The following PCDH15 variants were observed in gnomAD, a reference collection of about 807,000 sequenced individuals.
PCDH15 encodes the protein protocadherin related 15, also known as protocadherin-15.
PCDH15 carries 129 observed loss-of-function variants against 178.5 expected under a neutral mutation model. The observed-to-expected ratio is 0.72, with a 90% CI of 0.63 to 0.84. The LOEUF is 0.84. PCDH15 is among the 40% of genes least tolerant of loss of function. The pLI, the probability that PCDH15 is intolerant of heterozygous loss-of-function variation, is 0.00. For missense variants in PCDH15, 2,230 were observed against 2,099.9 expected (o/e 1.06, Z -1.21); for synonymous variants, 800 against 732.0 (o/e 1.09, Z -1.50).
At chr10:54,169,181 GCTGA>G (rs1166730214) in intron 13 of PCDH15, among the ~76,000 whole-genome samples, 2 of 142,190 alleles carry the variant, frequency 1.4e-5, no homozygotes, top group African/African-American at 2.7e-5. Context: ...CTGGCCCAAG[GCTGA>G]CTGACTCCTT....
intron 2 of PCDH15, among the ~76,000 whole-genome samples, chr10:54,564,187 ATTATT>A (rs1227827279): frequency 3.3e-5 from 5 of 152,112 alleles, no homozygotes; most frequent in African/African-American, 1.2e-4. Context: ...AGCTTGATAA[ATTATT>A]TTGTCTATCC....
intron 9 of PCDH15, among the ~76,000 whole-genome samples, chr10:54,233,527 G>A (rs1423731749): frequency 6.6e-6 from 1 of 152,058 alleles, no homozygotes; most frequent in African/African-American, 2.4e-5. Context: ...TCAATTTAAC[G>A]ATATTGGTTT....
At chr10:54,165,544 A>T (rs2046136264) in intron 13 of PCDH15, among the ~76,000 whole-genome samples, 3 of 152,138 alleles carry the variant, frequency 2.0e-5, no homozygotes, top group African/African-American at 7.2e-5. Flanking sequence ...ATTGGTTCTA[A>T]TTACTCAAAC....
chr10:54,732,568 A>C (rs1566070832), intron 1 of PCDH15, among the ~76,000 whole-genome samples: 1 of 151,520 alleles, frequency 6.6e-6, no homozygotes, highest in African/African-American at 2.4e-5. Flanking sequence ...AACAAAGAAA[A>C]ATTTTGTCTG....
At chr10:53,975,302 A>C (rs1157742493) in intron 21 of PCDH15, among the ~76,000 whole-genome samples, 1 of 152,158 alleles carries the variant, frequency 6.6e-6, no homozygotes, top group African/African-American at 2.4e-5. Context: ...TATACCCAGT[A>C]ATGGAATTGC....
At chr10:54,490,150 A>G (rs1198636140) in intron 3 of PCDH15, among the ~76,000 whole-genome samples, 5 of 141,136 alleles carry the variant, frequency 3.5e-5, no homozygotes, top group African/African-American at 9.9e-5. Context: ...TCATACAGGA[A>G]CTTTAAAAGT....
At chr10:54,871,227 T>C (rs765397410) in intron 3 of PCDH15, among the ~76,000 whole-genome samples, 4 of 152,078 alleles carry the variant, frequency 2.6e-5, no homozygotes, top group Admixed American at 6.6e-5. Context: ...ATGACCAAGG[T>C]CTCTGCCTGA....
At chr10:55,415,597 A>G (rs1838460579) in intron 2 of PCDH15, among the ~76,000 whole-genome samples, 1 of 151,752 alleles carries the variant, frequency 6.6e-6, no homozygotes, top group Admixed American at 6.6e-5. Context: ...TAGCTATAGT[A>G]AATCACTAAT....
chr10:54,928,245 G>C (rs1837680620), intron 2 of PCDH15, among the ~76,000 whole-genome samples: 2 of 152,110 alleles, frequency 1.3e-5, no homozygotes, highest in Admixed American at 6.6e-5. Context: ...TTTTCATTTA[G>C]AATGTTGAAT....
chr10:55,200,703 C>A (rs1336798616), intron 1 of PCDH15, among the ~76,000 whole-genome samples: 1 of 152,014 alleles, frequency 6.6e-6, no homozygotes. Context: ...AAGGAAAGAC[C>A]TGGTGGGAGT....
chr10:54,016,781 C>T (rs2245654), intron 20 of PCDH15, among the ~76,000 whole-genome samples: 7,365 of 152,188 alleles, frequency 0.048, 583 homozygotes, highest in African/African-American at 0.17. Context: ...CTATAAGGTA[C>T]TATGTTCATT....
chr10:55,020,234 C>G (rs1333449250), intron 2 of PCDH15, among the ~76,000 whole-genome samples: 1 of 151,204 alleles, frequency 6.6e-6, no homozygotes, highest in African/African-American at 2.4e-5. Context: ...TGCAAATACT[C>G]CATGCAAATA....
At chr10:54,249,961 C>A (rs2056326055) in intron 8 of PCDH15, among the ~76,000 whole-genome samples, 1 of 151,844 alleles carries the variant, frequency 6.6e-6, no homozygotes, top group Non-Finnish European at 1.5e-5. Context: ...GCTCAGTTAC[C>A]CAGGCTTGAG....
intron 9 of PCDH15, among the ~76,000 whole-genome samples, chr10:54,231,749 G>C (rs374630571): frequency 6.6e-6 from 1 of 152,296 alleles, no homozygotes; most frequent in Non-Finnish European, 1.5e-5. Context: ...GAGACATGAA[G>C]TCAAAGGAGA....
At chr10:54,814,229 A>G (rs1457963270) in intron 3 of PCDH15, among the ~76,000 whole-genome samples, 1 of 152,226 alleles carries the variant, frequency 6.6e-6, no homozygotes, top group African/African-American at 2.4e-5. Context: ...CATACAGTTA[A>G]TGACATCAGA....
At position 54,451,974 on chromosome 10, in the gene PCDH15, T is replaced by C. The variant is rs979810271; in HGVS notation, c.158-73032A>G. ...CATCCTTACTTCCTTCAAGTAATTG[T>C]TAATTTGCTTGATGCCAGGAGCTCT... On this transcript the variant is annotated intron_variant, in intron 3 of 37. Coordinates refer to ENST00000644397, the MANE Select transcript of PCDH15 (RefSeq NM_001384140.1). Among the ~76,000 whole-genome samples, 3 of 151,978 alleles carry C rather than the reference T, an allele frequency of 2.0e-5. No individual in the cohort carries two copies. The East Asian group carries it at 5.8e-4, about 29-fold the overall frequency.
At chr10:55,534,276 A>G (rs1841521990) in intron 2 of PCDH15, among the ~76,000 whole-genome samples, 1 of 152,036 alleles carries the variant, frequency 6.6e-6, no homozygotes, top group South Asian at 2.1e-4. Flanking sequence ...ATCATAGAGT[A>G]AACAGACAAC....
At chr10:55,245,204 ACATG>A (rs1401426327) in intron 1 of PCDH15, among the ~76,000 whole-genome samples, 1 of 152,130 alleles carries the variant, frequency 6.6e-6, no homozygotes, top group African/African-American at 2.4e-5. Context: ...GAAGTATAAA[ACATG>A]AGTTTAAAGA....
At chr10:54,518,637 G>C (rs1175099684) in intron 3 of PCDH15, among the ~76,000 whole-genome samples, 1 of 152,174 alleles carries the variant, frequency 6.6e-6, no homozygotes, top group Non-Finnish European at 1.5e-5. Context: ...GAGGTACAAG[G>C]AGGAGCTGGT....
Sources: allele counts gnomAD v4.1 joint callset (sites outside exome capture counted in the v4.1 genomes callset), GRCh38; gene constraint gnomAD v4.1.1; transcripts MANE v1.5; gene names NCBI Gene and HGNC (gene_info 2026-07-23, HGNC 2026-07-21).